CD38: variants seen among roughly 807,000 people sequenced by gnomAD.
CD38 encodes CD38 molecule, also known as ADP-ribosyl cyclase/cyclic ADP-ribose hydrolase 1.
A neutral mutation model predicts 36.3 loss-of-function variants in CD38; 31 were observed. That is an observed-to-expected ratio of 0.85 (90% CI 0.64 to 1.15). The LOEUF (loss-of-function observed/expected upper bound fraction) is 1.15, where lower values mean the gene tolerates loss of function less well. Among genes scored for constraint, CD38 ranks in the 50% most tolerant of loss-of-function variants. CD38 has a pLI of 0.00. For synonymous variants in CD38, 131 were observed against 135.2 expected, an observed-to-expected ratio of 0.97 and a Z score of 0.22; for missense variants, 380 against 371.9, an observed-to-expected ratio of 1.02 and a Z score of -0.18.
intron 1 of CD38, among the ~76,000 whole-genome samples, chr4:15,812,980 T>C (rs1276881607): frequency 6.6e-6 from 1 of 152,216 alleles, no homozygotes; most frequent in Non-Finnish European, 1.5e-5. Flanking sequence ...CCTGAAACCT[T>C]GCTGACCATG....
rs1724365769 is a variant in CD38, at chr4:15,850,755, G to C, written c.*2153G>C. On this transcript the variant is annotated 3_prime_UTR_variant, in exon 8 of 8. Coordinates refer to ENST00000226279, the MANE Select transcript of CD38 (RefSeq NM_001775.4). ...GGAGTTTAGTCTTGGCTCGACATGA[G>C]GATGGGGGTTTGGGACCAGTTCTGA... The C allele has an allele frequency of 6.6e-6, 1 of 152,200 alleles. No individual in the cohort carries two copies. Among genetic ancestry groups the C allele is most frequent in the Admixed American group, 6.6e-5 (1 of 15,258 alleles). The allele number at this position is 152,200 out of a possible 1,614,324, so 9.4% of individuals were successfully genotyped here.
chr4:15,778,510 C>T lies in CD38; in HGVS notation c.96C>T (p.Val32=), dbSNP rs1722606150. ...AQLCLGVSIL[V]LILVVVLAVV... Reference sequence around the variant, plus strand: ...TCTGTCTTGGCGTCAGTATCCTGGTCCTGATCCTCGTCGTGGTGCTCGCGG... The same window carrying T: ...TCTGTCTTGGCGTCAGTATCCTGGTTCTGATCCTCGTCGTGGTGCTCGCGG... The change falls in exon 1 of 8, where the codon GTC becomes GTT. Residue 32 remains valine (V), a synonymous_variant. Transcript: ENST00000226279. This position sits in a 1 kb window ranked among gnomAD's most constrained non-coding sequence, Gnocchi z 4.9. The T allele has an allele frequency of 1.2e-6, 2 of 1,613,840 alleles. No individual in the cohort carries two copies. Among genetic ancestry groups the T allele is most frequent in the African/African-American group, 1.3e-5 (1 of 75,032 alleles).
chr4:15,833,665 T>C (rs1269758902), intron 3 of CD38, among the ~76,000 whole-genome samples: 1 of 152,240 alleles, frequency 6.6e-6, no homozygotes, highest in East Asian at 1.9e-4. Context: ...TAAATGTGCA[T>C]TAAGGCAGAT....
At chr4:15,797,318 A>G (rs1484538006) in intron 1 of CD38, among the ~76,000 whole-genome samples, 1 of 152,240 alleles carries the variant, frequency 6.6e-6, no homozygotes, top group Non-Finnish European at 1.5e-5. Context: ...TTTAAGTGCT[A>G]TATAGTATCC....
At chr4:15,831,658 A>T (rs1234368937) in intron 3 of CD38, among the ~76,000 whole-genome samples, 1 of 152,086 alleles carries the variant, frequency 6.6e-6, no homozygotes, top group Non-Finnish European at 1.5e-5. Flanking sequence ...TGCCAGATGT[A>T]CTGAAACTCC....
intron 1 of CD38, among the ~76,000 whole-genome samples, chr4:15,786,240 T>A (rs946538830): frequency 2.2e-4 from 34 of 152,234 alleles, no homozygotes; most frequent in Non-Finnish European, 1.6e-4. Flanking sequence ...CCCAGCCTGC[T>A]TTTATTCCCT....
rs1723817200 is a variant in CD38, at chr4:15,824,982, T to C, written c.465T>C (p.Asp155=). 4 of 1,613,602 alleles carry C rather than the reference T, an allele frequency of 2.5e-6. No individual in the cohort carries two copies. The South Asian group carries it at 4.4e-5, about 18-fold the overall frequency. The change falls in exon 3 of 8, where the codon GAT becomes GAC. Residue 155 remains aspartate, a synonymous_variant. Transcript: ENST00000226279. ...ACACGCTGCTAGGCTACCTTGCTGATGACCTCACATGGTGTGGTGAATTCA... is the reference window on the plus strand; with the variant it reads ...ACACGCTGCTAGGCTACCTTGCTGACGACCTCACATGGTGTGGTGAATTCA... ...LEDTLLGYLA[D]DLTWCGEFNT... is the part of the protein sequence containing the mutation.
intron 1 of CD38, among the ~76,000 whole-genome samples, chr4:15,786,333 G>A (rs867910191): frequency 6.6e-6 from 1 of 152,092 alleles, no homozygotes; most frequent in Non-Finnish European, 1.5e-5. Flanking sequence ...TGATTGGTCC[G>A]TTTTGACAGG....
intron 1 of CD38, among the ~76,000 whole-genome samples, chr4:15,812,614 C>T (rs1171247002): frequency 2.6e-5 from 4 of 152,130 alleles, no homozygotes; most frequent in Non-Finnish European, 5.9e-5. Flanking sequence ...GCAGGAGAAT[C>T]ATTTGAACCC....
chr4:15,798,519 G>A (rs529448591), intron 1 of CD38, among the ~76,000 whole-genome samples: 1 of 152,284 alleles, frequency 6.6e-6, no homozygotes, highest in East Asian at 1.9e-4. Flanking sequence ...GTTACCCAAA[G>A]GTATAAAAGA....
At chr4:15,791,588 C>G (rs2148916019) in intron 1 of CD38, among the ~76,000 whole-genome samples, 1 of 64,976 alleles carries the variant, frequency 1.5e-5, no homozygotes, top group Non-Finnish European at 3.1e-5. Context: ...GGGGGGTCAG[C>G]CCCCCGCCCG....
At chr4:15,827,294 G>A (rs1275967905) in intron 3 of CD38, among the ~76,000 whole-genome samples, 1 of 151,826 alleles carries the variant, frequency 6.6e-6, no homozygotes, top group African/African-American at 2.4e-5. Context: ...TCTTATTTTG[G>A]ACTTTACACG....
At chr4:15,827,303 C>T (rs547406450) in intron 3 of CD38, among the ~76,000 whole-genome samples, 133 of 152,220 alleles carry the variant, frequency 8.7e-4, no homozygotes, top group African/African-American at 1.4e-3. Flanking sequence ...GGACTTTACA[C>T]GGTGTTTATG....
intron 1 of CD38, among the ~76,000 whole-genome samples, chr4:15,816,074 T>A (rs1312600164): frequency 6.6e-6 from 1 of 152,170 alleles, no homozygotes; most frequent in Admixed American, 6.5e-5. Context: ...GTTTATTGAT[T>A]TGTGTATGTT....
At position 15,836,632 on chromosome 4, in the gene CD38, A is replaced by G. The variant is rs181756468; in HGVS notation, c.586-1460A>G. Reference sequence around the variant, plus strand: ...CCTGGGCTAATAAGTTACAGACCTAAGAGCCTAACCTAGGCCTCCCTGATT... The same window carrying G: ...CCTGGGCTAATAAGTTACAGACCTAGGAGCCTAACCTAGGCCTCCCTGATT... On this transcript the variant is annotated intron_variant, in intron 4 of 7. Coordinates refer to ENST00000226279, the MANE Select transcript of CD38 (RefSeq NM_001775.4). Among the ~76,000 whole-genome samples the G allele has an allele frequency of 8.5e-5, 13 of 152,338 alleles. No individual in the cohort carries two copies. In the East Asian group the frequency reaches 2.1e-3, roughly 25 times the overall value.
intron 1 of CD38, among the ~76,000 whole-genome samples, chr4:15,789,981 A>G (rs1488874044): frequency 6.6e-6 from 1 of 152,210 alleles, no homozygotes; most frequent in African/African-American, 2.4e-5. Flanking sequence ...AGGAGGCTTT[A>G]CTGGAAGGTG....
chr4:15,789,065 T>C (rs971887733), intron 1 of CD38, among the ~76,000 whole-genome samples: 4 of 152,226 alleles, frequency 2.6e-5, no homozygotes, highest in Non-Finnish European at 4.4e-5. Flanking sequence ...GATAATTAAG[T>C]AATTCTTGGT....
At chr4:15,793,047 T>A (rs1723038132) in intron 1 of CD38, among the ~76,000 whole-genome samples, 1 of 152,168 alleles carries the variant, frequency 6.6e-6, no homozygotes, top group Non-Finnish European at 1.5e-5. Flanking sequence ...ATCCTTGTGG[T>A]GTTATTTAAA....
At chr4:15,827,582 T>G (rs4698422) in intron 3 of CD38, among the ~76,000 whole-genome samples, 21,115 of 152,148 alleles carry the variant, frequency 0.14, 1,677 homozygotes, top group South Asian at 0.22. Context: ...TTTTTAAATT[T>G]CCCTTTTAAC....
Sources: gnomAD v4.1 joint callset for allele counts (sites outside exome capture counted in the v4.1 genomes callset) on GRCh38, gnomAD v4.1.1 for gene constraint, Gnocchi (gnomAD v3.1) non-coding constraint, MANE v1.5 for transcripts, NCBI Gene and HGNC (gene_info 2026-07-23, HGNC 2026-07-21) for gene names.